Variants in RANBP2 observed in about 807,000 individuals in gnomAD.
RANBP2 encodes the protein RAN binding protein 2.
Under a neutral mutation model 303.6 loss-of-function variants are expected in RANBP2, and 57 were observed. That is an observed-to-expected ratio of 0.19 (90% CI 0.15 to 0.23). The LOEUF (loss-of-function observed/expected upper bound fraction) is 0.23, where lower values mean the gene tolerates loss of function less well. RANBP2 is among the 10% of genes least tolerant of loss of function. The pLI, the probability that RANBP2 is intolerant of heterozygous loss-of-function variation, is 1.00. For missense variants in RANBP2, 3,138 were observed against 3,780.8 expected (o/e 0.83, Z 4.46); for synonymous variants, 1,167 against 1,301.5 (o/e 0.90, Z 2.23).
chr2:109,739,267 TTATGTGAAGAATGTC>T, the RANBP2 span, among the ~76,000 whole-genome samples: 11 of 144,042 alleles, frequency 7.6e-5, no homozygotes, highest in Non-Finnish European at 6.0e-5. Context: ...TTTTTTCTAT[TTATGTGAAGAATGTC>T]TTTGGTATTT....
chr2:109,378,760 T>C, the RANBP2 span, among the ~76,000 whole-genome samples: 2 of 152,206 alleles, frequency 1.3e-5, no homozygotes, highest in Non-Finnish European at 2.9e-5. Flanking sequence ...CCATGACTTA[T>C]GAGGCTTCCA....
chr2:108,938,481 A>C, the RANBP2 span, among the ~76,000 whole-genome samples: 2 of 152,206 alleles, frequency 1.3e-5, no homozygotes, highest in African/African-American at 4.8e-5. Flanking sequence ...CTCTTGGAGG[A>C]TTGCTCACGA....
chr2:109,238,607 G>T, the RANBP2 span, among the ~76,000 whole-genome samples: 1 of 151,782 alleles, frequency 6.6e-6, no homozygotes, highest in African/African-American at 2.4e-5. Context: ...ATTCTTTTTC[G>T]CATTATGGAT....
At chr2:109,360,348 C>G in the RANBP2 span, among the ~76,000 whole-genome samples, 2 of 152,128 alleles carry the variant, frequency 1.3e-5, no homozygotes, top group Non-Finnish European at 2.9e-5. Flanking sequence ...AGGCTGATGC[C>G]AAACAACCAC....
the RANBP2 span, chr2:109,615,997 T>TGG: frequency 6.5e-7 from 1 of 1,541,726 alleles, no homozygotes; most frequent in Non-Finnish European, 8.7e-7. Flanking sequence ...GAGGAGGGAG[T>TGG]GGGGGAGGAA....
the RANBP2 span, among the ~76,000 whole-genome samples, chr2:109,397,362 T>C: frequency 6.6e-6 from 1 of 152,192 alleles, no homozygotes; most frequent in African/African-American, 2.4e-5. Context: ...CCCAGCCTGA[T>C]GGCATTTGCC....
chr2:109,501,740 A>G, the RANBP2 span: 6 of 689,288 alleles, frequency 8.7e-6, no homozygotes, highest in African/African-American at 8.8e-5. Context: ...GCACACAGAG[A>G]GGGAGCCATG....
the RANBP2 span, among the ~76,000 whole-genome samples, chr2:108,833,939 G>A: frequency 1.4e-5 from 2 of 140,666 alleles, no homozygotes; most frequent in Non-Finnish European, 3.0e-5. Context: ...GTAGAGACAG[G>A]GTTTCACTGT....
At chr2:108,930,053 C>A in the RANBP2 span, 6 of 1,550,064 alleles carry the variant, frequency 3.9e-6, no homozygotes, top group Non-Finnish European at 5.2e-6. Context: ...AGGCTCAGGG[C>A]AACAATGCCA....
chr2:109,476,034 G>A, the RANBP2 span, among the ~76,000 whole-genome samples: 2 of 152,318 alleles, frequency 1.3e-5, no homozygotes, highest in East Asian at 3.9e-4. Context: ...CCTGGAGATC[G>A]GCTGTGCCCA....
At chr2:109,603,265 C>T in the RANBP2 span, among the ~76,000 whole-genome samples, 1 of 151,324 alleles carries the variant, frequency 6.6e-6, no homozygotes, top group Non-Finnish European at 1.5e-5. Context: ...GAGACAGTCT[C>T]ACTGTGTCAC....
the RANBP2 span, among the ~76,000 whole-genome samples, chr2:108,858,457 T>C: frequency 6.6e-6 from 1 of 152,206 alleles, no homozygotes; most frequent in African/African-American, 2.4e-5. Flanking sequence ...TGTTTAGTGA[T>C]GCGAAAATTT....
chr2:108,767,911 A>G lies in RANBP2; in HGVS notation c.7372A>G (p.Thr2458Ala). 1 of 1,611,458 alleles carries G rather than the reference A, an allele frequency of 6.2e-7. No individual in the cohort carries two copies. Among genetic ancestry groups the G allele is most frequent in the Non-Finnish European group, 8.5e-7 (1 of 1,179,720 alleles). ...AACACCTCATGTTTCTCGGTCAAGC[A>G]CTCCCAGAGAGTCACCATGTGGCAA... ...LITPHVSRSS[T>A]PRESPCGKIA... The change falls in exon 20 of 29, where the codon ACT becomes GCT. Residue 2458 changes from threonine (T) to alanine (A), a missense_variant. Thr to Ala is a moderately conservative substitution (Grantham distance 58). Coordinates refer to ENST00000283195, the MANE Select transcript of RANBP2 (RefSeq NM_006267.5).
At position 108,772,855 on chromosome 2, in the gene RANBP2, A is replaced by C. The variant is rs767556795; in HGVS notation, c.8114-13A>C. 3.1e-6 allele frequency: 5 copies of C among 1,612,738 alleles called. No individual in the cohort carries two copies. The highest frequency in any genetic ancestry group is 4.2e-6 in the Non-Finnish European group (5 of 1,179,244). ...ATCTAATTTCGTTTGCTTGTGTTGT[A>C]CTGATTTTTCAGATAATGAGAAAGA... On this transcript the variant is annotated splice_polypyrimidine_tract_variant and intron_variant, in intron 22 of 28. Coordinates refer to ENST00000283195, the MANE Select transcript of RANBP2 (RefSeq NM_006267.5).
At chr2:109,445,485 G>T in the RANBP2 span, among the ~76,000 whole-genome samples, 1 of 152,160 alleles carries the variant, frequency 6.6e-6, no homozygotes, top group Non-Finnish European at 1.5e-5. Flanking sequence ...ATAAGAAAGA[G>T]CCAGTGTACA....
At chr2:108,912,680 T>C in the RANBP2 span, 1 of 1,590,332 alleles carries the variant, frequency 6.3e-7, no homozygotes, top group Non-Finnish European at 8.6e-7. Flanking sequence ...CTCCTCACCT[T>C]TGTGGGCGTG....
chr2:109,251,361 G>T, the RANBP2 span: 1 of 604,776 alleles, frequency 1.7e-6, no homozygotes, highest in Non-Finnish European at 3.1e-6. Context: ...CCTGCCGCGG[G>T]AGCATGAGGG....
At chr2:108,955,797 C>T in the RANBP2 span, among the ~76,000 whole-genome samples, 2 of 151,940 alleles carry the variant, frequency 1.3e-5, no homozygotes, top group South Asian at 2.1e-4. Flanking sequence ...GAGGCCGAGG[C>T]GGGCAGACCA....
At chr2:108,771,666 C>T (rs757737944) in intron 20 of RANBP2, 35 bp from the exon 21 acceptor site, 1 of 1,606,790 alleles carries the variant, frequency 6.2e-7, no homozygotes, top group South Asian at 1.1e-5. Context: ...TACTTAATAC[C>T]TTATCTTTGT....
Sources: allele counts gnomAD v4.1 joint callset (sites outside exome capture counted in the v4.1 genomes callset), GRCh38; gene constraint gnomAD v4.1.1; transcripts MANE v1.5; gene names NCBI Gene and HGNC (gene_info 2026-07-23, HGNC 2026-07-21).